RHOA: variants seen among roughly 807,000 people sequenced by gnomAD.
RHOA encodes transforming protein RhoA.
In RHOA, 3 loss-of-function variants were observed where a neutral mutation model predicts 17.5. The ratio of observed to expected loss-of-function variants is 0.17; its 90% CI spans 0.08 to 0.44. The LOEUF (loss-of-function observed/expected upper bound fraction) is 0.44, where lower values mean the gene tolerates loss of function less well. Ranked by LOEUF, RHOA falls within the 20% of genes least tolerant of loss-of-function variation. The probability of loss-of-function intolerance (pLI) is 0.99; values close to 1 mark genes in which losing one functional copy is unlikely to be tolerated. For missense variants in RHOA, 56 were observed against 242.3 expected (o/e 0.23, Z 5.10); for synonymous variants, 98 against 88.4 (o/e 1.11, Z -0.61).
intron 1 of RHOA, among the ~76,000 whole-genome samples, chr3:49,400,317 C>T (rs556965006): frequency 1.2e-4 from 19 of 152,064 alleles, no homozygotes; most frequent in Admixed American, 1.2e-3. Flanking sequence ...CCACCACCTC[C>T]TGTTTCTATA....
At chr3:49,372,362 C>A (rs147776203) in intron 2 of RHOA, among the ~76,000 whole-genome samples, 5 of 152,276 alleles carry the variant, frequency 3.3e-5, no homozygotes, top group African/African-American at 1.2e-4. Context: ...TTTTTTCCAT[C>A]TATACTTGGG....
rs575387787 is a variant in RHOA at position 49,381,377 on chromosome 3, C to T, written c.-2-5786G>A. Among the ~76,000 whole-genome samples, 5 of 150,630 alleles carry T rather than the reference C, an allele frequency of 3.3e-5. No homozygotes were observed. In the East Asian group the frequency reaches 9.8e-4, roughly 29 times the overall value. On this transcript the variant is annotated intron_variant, in intron 1 of 4. Coordinates refer to ENST00000418115, the MANE Select transcript of RHOA (RefSeq NM_001664.4). Reference sequence around the variant, plus strand: ...CCGATATCTCGCCATTGCATTCCAGCCTGGGAAACAAGAGAAAAACCCCGT... The same window carrying T: ...CCGATATCTCGCCATTGCATTCCAGTCTGGGAAACAAGAGAAAAACCCCGT...
At chr3:49,373,348 C>T (rs184706409) in intron 2 of RHOA, 39 of 172,144 alleles carry the variant, frequency 2.3e-4, no homozygotes, top group Middle Eastern at 1.5e-3. Context: ...TGTCTCTAGA[C>T]AAACAAACAA....
intron 1 of RHOA, among the ~76,000 whole-genome samples, chr3:49,408,206 A>C (rs2048869073): frequency 6.6e-6 from 1 of 151,762 alleles, no homozygotes; most frequent in Non-Finnish European, 1.5e-5. Context: ...ACACATACAC[A>C]CACGTATATG....
rs2047988346 is a variant in RHOA at position 49,362,485 on chromosome 3, C to G, written c.408+11G>C. ...AAGAATACTACAAGACAGTCCTGCC[C>G]CAGATCATGCCTGCTTCATCTTGGC... is the stretch of plus-strand genomic sequence containing the variant. On this transcript the variant is annotated intron_variant, in intron 4 of 4. Transcript: ENST00000418115. The G allele has an allele frequency of 6.2e-7, 1 of 1,605,814 alleles. No homozygotes were observed. The highest frequency in any genetic ancestry group is 8.5e-7 in the Non-Finnish European group (1 of 1,175,492).
chr3:49,375,524 G>A lies in RHOA; in HGVS notation c.66C>T (p.Leu22=), dbSNP rs1559501739. 6.2e-7 allele frequency: 1 copy of A among 1,614,034 alleles called. No homozygotes were observed. Among genetic ancestry groups the A allele is most frequent in the East Asian group, 2.2e-5 (1 of 44,882 alleles). ...GGAACTGGTCCTTGCTGAAGACTAT[G>A]AGCAAGCATGTCTTTCCACAGGCTC... ...GDGACGKTCL[L]IVFSKDQFPE... The change falls in exon 2 of 5, where the codon CTC becomes CTT. Residue 22 remains leucine (L), a synonymous_variant. Transcript: ENST00000418115.
intron 1 of RHOA, among the ~76,000 whole-genome samples, chr3:49,393,744 C>G (rs1252092398): frequency 1.0e-4 from 15 of 150,054 alleles, no homozygotes; most frequent in African/African-American, 3.7e-4. Flanking sequence ...GAATCTCGCT[C>G]TGTCGCCCAG....
intron 1 of RHOA, among the ~76,000 whole-genome samples, chr3:49,407,054 C>T (rs957224349): frequency 2.6e-5 from 4 of 151,760 alleles, no homozygotes; most frequent in Non-Finnish European, 5.9e-5. Context: ...GACTGAGGCA[C>T]GAGAATCGCT....
At chr3:49,372,550 C>T (rs1265634351) in intron 2 of RHOA, among the ~76,000 whole-genome samples, 2 of 151,960 alleles carry the variant, frequency 1.3e-5, no homozygotes, top group Admixed American at 6.6e-5. Flanking sequence ...CTGGCTAACA[C>T]GGTGAAACCC....
At chr3:49,401,945 C>T (rs2048730261) in intron 1 of RHOA, among the ~76,000 whole-genome samples, 2 of 152,132 alleles carry the variant, frequency 1.3e-5, no homozygotes, top group South Asian at 4.1e-4. Context: ...CTGCCAAGCT[C>T]TTAGTTCAAG....
intron 1 of RHOA, among the ~76,000 whole-genome samples, chr3:49,396,053 T>C (rs2048610044): frequency 1.3e-5 from 2 of 151,648 alleles, no homozygotes; most frequent in South Asian, 4.2e-4. Context: ...AAGCCAGAAA[T>C]AACTGAAATG....
chr3:49,381,173 G>A (rs1399641978), intron 1 of RHOA, among the ~76,000 whole-genome samples: 1 of 151,930 alleles, frequency 6.6e-6, no homozygotes, highest in Non-Finnish European at 1.5e-5. Context: ...GGGAGGCTGA[G>A]GTAGGCGGAT....
chr3:49,399,537 T>C (rs966718248), intron 1 of RHOA, among the ~76,000 whole-genome samples: 3 of 151,716 alleles, frequency 2.0e-5, no homozygotes, highest in Non-Finnish European at 4.4e-5. Flanking sequence ...CAATAGACAC[T>C]GGTATATGTA....
chr3:49,370,296 T>TA (rs1327230240), intron 2 of RHOA, among the ~76,000 whole-genome samples: 1 of 152,176 alleles, frequency 6.6e-6, no homozygotes, highest in Admixed American at 6.6e-5. Flanking sequence ...CCAAGTGGCA[T>TA]AATTCAAAAT....
chr3:49,407,025 TA>T (rs1438612239), intron 1 of RHOA, among the ~76,000 whole-genome samples: 3 of 150,750 alleles, frequency 2.0e-5, no homozygotes, highest in Non-Finnish European at 4.4e-5. Context: ...CACACACCTG[TA>T]GTCCCAGCTA....
At chr3:49,380,414 T>C (rs1391451466) in intron 1 of RHOA, among the ~76,000 whole-genome samples, 1 of 152,048 alleles carries the variant, frequency 6.6e-6, no homozygotes. Flanking sequence ...TAATCCTAAA[T>C]TATATACACT....
chr3:49,391,645 G>A (rs2048509568), intron 1 of RHOA, among the ~76,000 whole-genome samples: 1 of 151,788 alleles, frequency 6.6e-6, no homozygotes. Flanking sequence ...CCCGGTAGCT[G>A]GGATTACAGG....
intron 3 of RHOA, among the ~76,000 whole-genome samples, chr3:49,364,077 C>G (rs1044755436): frequency 3.3e-5 from 5 of 151,938 alleles, no homozygotes; most frequent in Admixed American, 2.6e-4. Context: ...AGGCTGGGCG[C>G]AGTGGCTCAC....
chr3:49,411,743 G>C (rs1055105178), intron 1 of RHOA, 77 bp downstream of exon 1: 2 of 152,020 alleles, frequency 1.3e-5, no homozygotes, highest in East Asian at 1.9e-4. Flanking sequence ...CGGCGGTGCG[G>C]CGGCCTGCCG....
Sources: gnomAD v4.1 joint callset for allele counts (sites outside exome capture counted in the v4.1 genomes callset) on GRCh38, gnomAD v4.1.1 for gene constraint, MANE v1.5 for transcripts, NCBI Gene and HGNC (gene_info 2026-07-23, HGNC 2026-07-21) for gene names.